The following RAB27B variants were observed in gnomAD, a reference collection of about 807,000 sequenced individuals.
RAB27B encodes the protein RAB27B, member RAS oncogene family, also known as ras-related protein Rab-27B.
A neutral mutation model predicts 24.6 loss-of-function variants in RAB27B; 15 were observed. That is an observed-to-expected ratio of 0.61 (90% CI 0.41 to 0.94). The LOEUF (loss-of-function observed/expected upper bound fraction) is 0.94, where lower values mean the gene tolerates loss of function less well. Ranked by LOEUF, RAB27B falls within the 40% of genes least tolerant of loss-of-function variation. The probability of loss-of-function intolerance (pLI) is 0.00; values close to 1 mark genes in which losing one functional copy is unlikely to be tolerated. For missense variants in RAB27B, 261 were observed against 266.8 expected (o/e 0.98, Z 0.15); for synonymous variants, 105 against 92.5 (o/e 1.14, Z -0.78).
chr18:54,823,816 T>C (rs1453873978), upstream of RAB27B, among the ~76,000 whole-genome samples: 3 of 152,214 alleles, frequency 2.0e-5, no homozygotes, highest in East Asian at 5.8e-4. Context: ...TGTTTCCTTA[T>C]GTGTATTTTA....
intron 1 of RAB27B, among the ~76,000 whole-genome samples, chr18:54,836,301 TC>T (rs1910891175): frequency 6.6e-6 from 1 of 151,996 alleles, no homozygotes; most frequent in Non-Finnish European, 1.5e-5. Flanking sequence ...AAGTGTATTT[TC>T]CATGGTTCTG....
chr18:54,881,792 C>G (rs979980570), intron 3 of RAB27B, among the ~76,000 whole-genome samples: 4 of 152,148 alleles, frequency 2.6e-5, no homozygotes, highest in Non-Finnish European at 5.9e-5. Flanking sequence ...CTGGAACAAG[C>G]GTGTCCTATC....
At chr18:54,799,341 C>A (rs1909522210) in intron 2 of RAB27B, among the ~76,000 whole-genome samples, 1 of 152,018 alleles carries the variant, frequency 6.6e-6, no homozygotes, top group Non-Finnish European at 1.5e-5. Flanking sequence ...TAAGGAGAAA[C>A]AAGTAAATCA....
chr18:54,841,405 A>G lies in RAB27B; in HGVS notation c.-20+12705A>G, dbSNP rs138946623. Reference sequence around the variant, plus strand: ...AAGTTATCTGCAGATGGTTTAAAATATATAGCAGAACATTATATGCCAATA... The same window carrying G: ...AAGTTATCTGCAGATGGTTTAAAATGTATAGCAGAACATTATATGCCAATA... On this transcript the variant is annotated intron_variant, in intron 1 of 5. Transcript: ENST00000262094. Among the ~76,000 whole-genome samples the G allele has an allele frequency of 5.0e-3, 764 of 152,340 alleles. 3 individuals are homozygous for G. Among genetic ancestry groups the G allele is most frequent in the South Asian group, 0.028 (134 of 4,822 alleles).
At position 54,850,359 on chromosome 18, in the gene RAB27B, T is replaced by TATATATACAC. The variant is rs1491518141; in HGVS notation, c.-20+21660_-20+21661insTATATACACA. 5.3e-4 allele frequency among the ~76,000 whole-genome samples: 67 copies of TATATATACAC among 126,874 alleles called. 1 individual carries two copies. The highest frequency in any genetic ancestry group is 1.9e-3 in the African/African-American group (62 of 32,006). 83.2% of individuals were successfully genotyped at this position (126,874 alleles called of 152,430 possible). A position where few individuals can be genotyped will look rare whatever the true frequency, so the allele number is the denominator to read the frequency against. ...ATATATATATATATATATATATATATACATACATACATATGTTTAGTTTTT... is the reference window on the plus strand; with the variant it reads ...ATATATATATATATATATATATATATATATATACACACATACATACATATGTTTAGTTTTT... On this transcript the variant is annotated intron_variant, in intron 1 of 5. Coordinates refer to ENST00000262094, the MANE Select transcript of RAB27B (RefSeq NM_004163.4).
chr18:54,804,537 C>G (rs936275934), intron 2 of RAB27B, among the ~76,000 whole-genome samples: 2 of 152,180 alleles, frequency 1.3e-5, no homozygotes, highest in African/African-American at 4.8e-5. Context: ...TCTTGCCATG[C>G]TCGGGTGTAT....
intron 2 of RAB27B, among the ~76,000 whole-genome samples, chr18:54,774,368 TAAAG>T (rs1908650738): frequency 6.6e-6 from 1 of 152,184 alleles, no homozygotes. Context: ...TCCAACAACT[TAAAG>T]AAGGTACTAT....
At chr18:54,783,869 G>A (rs1396362877) in intron 2 of RAB27B, among the ~76,000 whole-genome samples, 4 of 151,954 alleles carry the variant, frequency 2.6e-5, no homozygotes, top group Non-Finnish European at 4.4e-5. Context: ...GCCAGACTCT[G>A]GACTCTCATA....
intron 2 of RAB27B, among the ~76,000 whole-genome samples, chr18:54,757,182 A>G (rs1908031520): frequency 1.3e-5 from 2 of 152,176 alleles, no homozygotes; most frequent in Admixed American, 1.3e-4. Flanking sequence ...GCAGAAAAGG[A>G]AAGTGTACAG....
rs375487130 is a variant in RAB27B, at chr18:54,749,591, C to T, written c.-20+31450C>T. On this transcript the variant is annotated intron_variant, in intron 2 of 4. Transcript: ENST00000586570. ...TTATCAGAGATTGCAGAGGAGTTCTCTAGATTGTGTTTCACTTCCACCTAC... is the reference window on the plus strand; with the variant it reads ...TTATCAGAGATTGCAGAGGAGTTCTTTAGATTGTGTTTCACTTCCACCTAC... Among the ~76,000 whole-genome samples the T allele has an allele frequency of 1.4e-3, 212 of 152,276 alleles. 4 individuals carry two copies. In the South Asian group the frequency reaches 0.028, roughly 20 times the overall value.
intron 2 of RAB27B, among the ~76,000 whole-genome samples, chr18:54,775,096 G>A (rs1220081789): frequency 6.6e-6 from 1 of 152,204 alleles, no homozygotes; most frequent in East Asian, 1.9e-4. Flanking sequence ...CAGAGAGCCT[G>A]ACCTCAGAAC....
chr18:54,756,874 A>G (rs1908021497), intron 2 of RAB27B, among the ~76,000 whole-genome samples: 1 of 152,198 alleles, frequency 6.6e-6, no homozygotes, highest in African/African-American at 2.4e-5. Context: ...TTCTTCCTTT[A>G]TATCTAACTA....
At chr18:54,766,459 C>A (rs1908365430) in intron 2 of RAB27B, among the ~76,000 whole-genome samples, 1 of 152,012 alleles carries the variant, frequency 6.6e-6, no homozygotes, top group Non-Finnish European at 1.5e-5. Flanking sequence ...AATGTCTCCA[C>A]ATCTCCTTTT....
At chr18:54,722,930 C>G (rs2144974604) in intron 2 of RAB27B, among the ~76,000 whole-genome samples, 1 of 152,294 alleles carries the variant, frequency 6.6e-6, no homozygotes, top group African/African-American at 2.4e-5. Context: ...GTATTTGAAG[C>G]TACTTTATCA....
chr18:54,766,881 C>A (rs1908379373), intron 2 of RAB27B, among the ~76,000 whole-genome samples: 1 of 152,172 alleles, frequency 6.6e-6, no homozygotes, highest in Admixed American at 6.5e-5. Context: ...TAAGTCATCA[C>A]TAATGCATTG....
intron 2 of RAB27B, among the ~76,000 whole-genome samples, chr18:54,818,078 G>A (rs1910173447): frequency 6.6e-6 from 1 of 152,164 alleles, no homozygotes; most frequent in African/African-American, 2.4e-5. Context: ...AAATCTTAGT[G>A]ATAGCTTAGA....
At chr18:54,762,544 G>A (rs146886534) in intron 2 of RAB27B, among the ~76,000 whole-genome samples, 157 of 152,270 alleles carry the variant, frequency 1.0e-3, no homozygotes, top group African/African-American at 3.6e-3. Context: ...TTTGCAATAA[G>A]TTAGGCAATC....
rs192988376 is a variant in RAB27B at position 54,784,753 on chromosome 18, G to C, written c.-20+66612G>C. Among the ~76,000 whole-genome samples, 513 of 152,260 alleles carry C rather than the reference G, an allele frequency of 3.4e-3. 3 individuals carry two copies. The highest frequency in any genetic ancestry group is 0.012 in the African/African-American group (490 of 41,546). The stretch of plus-strand genomic sequence containing the variant: ...GGGTTGATTCCATGTCTTTGCTATT[G>C]TGAATAGTGCTGCAGTGAACATATG... On this transcript the variant is annotated intron_variant, in intron 2 of 4. Transcript: ENST00000586570.
At chr18:54,751,389 A>T (rs1907825453) in intron 2 of RAB27B, among the ~76,000 whole-genome samples, 1 of 152,256 alleles carries the variant, frequency 6.6e-6, no homozygotes, top group African/African-American at 2.4e-5. Context: ...GGTGAAATAG[A>T]CATGAAGAAA....
Sources: allele counts gnomAD v4.1 joint callset (sites outside exome capture counted in the v4.1 genomes callset), GRCh38; gene constraint gnomAD v4.1.1; transcripts MANE v1.5; gene names NCBI Gene and HGNC (gene_info 2026-07-23, HGNC 2026-07-21).